ZC2HC1A: variants seen among roughly 807,000 people sequenced by gnomAD.
ZC2HC1A encodes the protein zinc finger C2HC-type containing 1A, also known as zinc finger C2HC domain-containing protein 1A.
A neutral mutation model predicts 40.7 loss-of-function variants in ZC2HC1A; 28 were observed. The ratio of observed to expected loss-of-function variants is 0.69; its 90% CI spans 0.51 to 0.94. The LOEUF is 0.94. Ranked by LOEUF, ZC2HC1A falls within the 40% of genes least tolerant of loss-of-function variation. The probability of loss-of-function intolerance (pLI) is 0.00; values close to 1 mark genes in which losing one functional copy is unlikely to be tolerated. For missense variants in ZC2HC1A, 389 were observed against 386.3 expected, an observed-to-expected ratio of 1.01 and a Z score of -0.06; for synonymous variants, 129 against 129.2, an observed-to-expected ratio of 1.00 and a Z score of 0.01.
chr8:78,687,837 TTA>T (rs35546691), intron 4 of ZC2HC1A, among the ~76,000 whole-genome samples: 74,416 of 101,416 alleles, frequency 0.73, 30,598 homozygotes, highest in East Asian at 0.96. Flanking sequence ...ATGTAATAAA[TTA>T]TATATATATT....
intron 3 of ZC2HC1A, among the ~76,000 whole-genome samples, chr8:78,680,386 C>CAGTAATAG (rs2130453608): frequency 6.7e-6 from 1 of 150,046 alleles, no homozygotes; most frequent in East Asian, 2.0e-4. Context: ...GCCCACAGAG[C>CAGTAATAG]AGTAATAGTG....
intron 6 of ZC2HC1A, among the ~76,000 whole-genome samples, chr8:78,697,824 G>A (rs938189669): frequency 4.6e-5 from 7 of 151,744 alleles, no homozygotes; most frequent in South Asian, 2.1e-4. Context: ...GACTATAGGC[G>A]GGTGCCACCA....
intron 5 of ZC2HC1A, among the ~76,000 whole-genome samples, chr8:78,696,994 A>G (rs561823734): frequency 1.3e-4 from 20 of 152,216 alleles, no homozygotes; most frequent in African/African-American, 3.6e-4. Context: ...GAACTGAAAA[A>G]GTTGCTGTTA....
chr8:78,717,212 AT>A, intron 8 of ZC2HC1A, 115 bp from the exon 9 acceptor site: 11 of 931,692 alleles, frequency 1.2e-5, no homozygotes, highest in Non-Finnish European at 1.7e-5. Context: ...CTAGAGGAAT[AT>A]TAAAAACGAG....
intron 1 of ZC2HC1A, among the ~76,000 whole-genome samples, chr8:78,667,744 A>G (rs1809339855): frequency 6.6e-6 from 1 of 152,170 alleles, no homozygotes; most frequent in African/African-American, 2.4e-5. Flanking sequence ...TCGAACCTAC[A>G]TTTTAGTGGA....
intron 1 of ZC2HC1A, among the ~76,000 whole-genome samples, chr8:78,670,788 A>G (rs1470356864): frequency 6.6e-6 from 1 of 152,196 alleles, no homozygotes; most frequent in Non-Finnish European, 1.5e-5. Context: ...TTGCTGAACT[A>G]GAGTGTAGGT....
At chr8:78,714,745 T>C (rs1179182456) in intron 7 of ZC2HC1A, among the ~76,000 whole-genome samples, 1 of 152,234 alleles carries the variant, frequency 6.6e-6, no homozygotes, top group Non-Finnish European at 1.5e-5. Flanking sequence ...CTCATTTATT[T>C]TAGTTGCTGC....
intron 7 of ZC2HC1A, among the ~76,000 whole-genome samples, chr8:78,705,661 C>T (rs566102104): frequency 6.6e-6 from 1 of 152,238 alleles, no homozygotes; most frequent in South Asian, 2.1e-4. Flanking sequence ...GCTCTCCAAA[C>T]CCCAGAGACT....
intron 4 of ZC2HC1A, among the ~76,000 whole-genome samples, chr8:78,687,947 A>G (rs1810076632): frequency 1.4e-5 from 2 of 143,762 alleles, no homozygotes; most frequent in South Asian, 4.2e-4. Flanking sequence ...TTTTATATAT[A>G]AACTATATCT....
intron 1 of ZC2HC1A, among the ~76,000 whole-genome samples, chr8:78,667,467 A>G (rs564318720): frequency 6.6e-6 from 1 of 152,204 alleles, no homozygotes; most frequent in Admixed American, 6.5e-5. Flanking sequence ...TCATGAGATT[A>G]TCATATATAA....
intron 7 of ZC2HC1A, among the ~76,000 whole-genome samples, chr8:78,699,311 G>C (rs939194101): frequency 6.6e-6 from 1 of 151,942 alleles, no homozygotes; most frequent in Non-Finnish European, 1.5e-5. Context: ...TATTAATATA[G>C]AGCCATATAT....
chr8:78,703,749 G>T (rs1196684220), intron 7 of ZC2HC1A, among the ~76,000 whole-genome samples: 1 of 152,052 alleles, frequency 6.6e-6, no homozygotes, highest in Non-Finnish European at 1.5e-5. Flanking sequence ...GCCACTCTGT[G>T]TCTTTTAATT....
chr8:78,707,318 G>A (rs969661400), intron 7 of ZC2HC1A, among the ~76,000 whole-genome samples: 10 of 152,200 alleles, frequency 6.6e-5, no homozygotes, highest in Middle Eastern at 3.2e-3. Flanking sequence ...TAGATAGGAC[G>A]TGTAAAGCTG....
In ZC2HC1A at chr8:78,717,692, G is replaced by T; in HGVS notation, c.*199G>T. On this transcript the variant is annotated 3_prime_UTR_variant, in exon 9 of 9. Transcript: ENST00000263849. ...CATATACTGTATATAATAAATATCTGATACCCCAGACTGTGTCATTCAAGG... is the reference window on the plus strand; with the variant it reads ...CATATACTGTATATAATAAATATCTTATACCCCAGACTGTGTCATTCAAGG... 2.7e-6 allele frequency: 1 copy of T among 375,550 alleles called. No individual in the cohort carries two copies. The highest frequency in any genetic ancestry group is 4.6e-6 in the Non-Finnish European group (1 of 215,372). The allele number at this position is 375,550 out of a possible 1,614,324, so 23.3% of individuals were successfully genotyped here. A position where few individuals can be genotyped will look rare whatever the true frequency, so the allele number is the denominator to read the frequency against.
chr8:78,675,323 T>C (rs536821700), intron 1 of ZC2HC1A, among the ~76,000 whole-genome samples: 3 of 152,100 alleles, frequency 2.0e-5, no homozygotes, highest in Admixed American at 2.0e-4. Context: ...TACTTTCTAT[T>C]GTTTGGTGGT....
At chr8:78,687,295 A>T (rs1296017605) in intron 4 of ZC2HC1A, among the ~76,000 whole-genome samples, 1 of 151,680 alleles carries the variant, frequency 6.6e-6, no homozygotes, top group East Asian at 1.9e-4. Context: ...ATTGGGATTT[A>T]TTTTCTAACA....
intron 5 of ZC2HC1A, among the ~76,000 whole-genome samples, chr8:78,697,132 G>A (rs1260404094): frequency 6.6e-6 from 1 of 152,166 alleles, no homozygotes; most frequent in Non-Finnish European, 1.5e-5. Flanking sequence ...AAGGGAATGT[G>A]AGCTGTTTCT....
chr8:78,679,110 C>T (rs1809680022), intron 3 of ZC2HC1A: 1 of 152,260 alleles, frequency 6.6e-6, no homozygotes, highest in African/African-American at 2.4e-5. Context: ...ATAGATACTG[C>T]TTATTTTGAC....
At position 78,717,658 on chromosome 8, in the gene ZC2HC1A, A is replaced by G; in HGVS notation, c.*165A>G. ...TTGGCTATATAATGTGTGTATGTTT[A>G]TATGTGTACATATACTGTATATAAT... On this transcript the variant is annotated 3_prime_UTR_variant, in exon 9 of 9. Transcript: ENST00000263849. The G allele has an allele frequency of 1.6e-6, 1 of 625,198 alleles. No individual in the cohort carries two copies. Among genetic ancestry groups the G allele is most frequent in the Non-Finnish European group, 2.6e-6 (1 of 377,758 alleles). 38.7% of individuals were successfully genotyped at this position (625,198 alleles called of 1,614,324 possible).
Sources: gnomAD v4.1 joint callset for allele counts (sites outside exome capture counted in the v4.1 genomes callset) on GRCh38, gnomAD v4.1.1 for gene constraint, MANE v1.5 for transcripts, NCBI Gene and HGNC (gene_info 2026-07-23, HGNC 2026-07-21) for gene names.